HSD17B12: variants seen among roughly 807,000 people sequenced by gnomAD.
HSD17B12 encodes the protein hydroxysteroid 17-beta dehydrogenase 12.
Under a neutral mutation model 39.3 loss-of-function variants are expected in HSD17B12, and 32 were observed. The observed-to-expected ratio is 0.81, with a 90% confidence interval of 0.61 to 1.09. HSD17B12 has a LOEUF of 1.09. Among genes scored for constraint, HSD17B12 ranks in the 50% least tolerant of loss-of-function variants. HSD17B12 has a pLI of 0.00. For missense variants in HSD17B12, 342 were observed against 382.9 expected (o/e 0.89, Z 0.89); for synonymous variants, 150 against 146.7 (o/e 1.02, Z -0.16).
At chr11:43,564,418 C>T in the HSD17B12 span, among the ~76,000 whole-genome samples, 1 of 152,188 alleles carries the variant, frequency 6.6e-6, no homozygotes, top group African/African-American at 2.4e-5. Context: ...TCAAAATAGC[C>T]ACTTCATTCC....
chr11:43,602,341 A>G, the HSD17B12 span, among the ~76,000 whole-genome samples: 1 of 152,222 alleles, frequency 6.6e-6, no homozygotes, highest in African/African-American at 2.4e-5. Flanking sequence ...AGTGGGAGGT[A>G]ATGTCTTTAA....
intron 4 of HSD17B12, among the ~76,000 whole-genome samples, chr11:43,800,604 C>T (rs1950957417): frequency 6.6e-6 from 1 of 152,128 alleles, no homozygotes; most frequent in Admixed American, 6.5e-5. Context: ...GATAAGCATA[C>T]AGGACACATG....
At chr11:43,690,387 TATATATATATATATATA>T (rs1310026422) in intron 1 of HSD17B12, among the ~76,000 whole-genome samples, 201 of 19,234 alleles carry the variant, frequency 0.01, 17 homozygotes, top group African/African-American at 0.023. Context: ...TATATATATA[TATATATATATATATATA>T]TTTTTTTTTT....
chr11:43,588,417 T>C, the HSD17B12 span, among the ~76,000 whole-genome samples: 4 of 152,118 alleles, frequency 2.6e-5, no homozygotes, highest in South Asian at 2.1e-4. Flanking sequence ...AGCAGCAAGT[T>C]GTTGCTGCTG....
chr11:43,763,454 C>T (rs749058139), intron 3 of HSD17B12, among the ~76,000 whole-genome samples: 107 of 151,774 alleles, frequency 7.0e-4, no homozygotes, highest in African/African-American at 1.9e-3. Flanking sequence ...GATACTGAGG[C>T]GCATAGTAAT....
rs752523500 is a variant in HSD17B12 at position 43,750,880 on chromosome 11, G to C, written c.161-31G>C. ...GACCAATTCCTCAATGTAATTCTTA[G>C]ACTAAACTATTGCTTTTTTCCCTTT... On this transcript the variant is annotated intron_variant, in intron 1 of 10. Coordinates refer to ENST00000278353, the MANE Select transcript of HSD17B12 (RefSeq NM_016142.3). 7 of 1,551,682 alleles carry C rather than the reference G, an allele frequency of 4.5e-6. No individual in the cohort carries two copies. The Admixed American group carries it at 1.2e-4, about 27-fold the overall frequency.
chr11:43,583,660 G>C, the HSD17B12 span, among the ~76,000 whole-genome samples: 15 of 150,608 alleles, frequency 1.0e-4, no homozygotes, highest in African/African-American at 3.4e-4. Context: ...TTTTGCTTTT[G>C]CTAAGGAAGG....
chr11:43,581,483 G>A, the HSD17B12 span: 1 of 502,736 alleles, frequency 2.0e-6, no homozygotes, highest in Non-Finnish European at 4.2e-6. The surrounding 1 kb of genome is among the most constrained non-coding windows in gnomAD (Gnocchi z 4.9). Flanking sequence ...TGCGGAGGGC[G>A]CACTCGTCGA....
intron 4 of HSD17B12, among the ~76,000 whole-genome samples, chr11:43,808,423 A>G (rs1340496721): frequency 6.6e-6 from 1 of 152,114 alleles, no homozygotes; most frequent in Non-Finnish European, 1.5e-5. Flanking sequence ...TCTAGAATTC[A>G]TATTTATTTC....
At chr11:43,560,641 T>C in the HSD17B12 span, among the ~76,000 whole-genome samples, 1 of 152,186 alleles carries the variant, frequency 6.6e-6, no homozygotes, top group Non-Finnish European at 1.5e-5. Context: ...ACTGCCAACA[T>C]TGTGGGACAG....
At chr11:43,806,762 T>C (rs1230869851) in intron 4 of HSD17B12, among the ~76,000 whole-genome samples, 2 of 152,206 alleles carry the variant, frequency 1.3e-5, no homozygotes, top group African/African-American at 4.8e-5. Context: ...AAATAAGAGC[T>C]GGGTTAGATC....
At chr11:43,628,136 A>G in the HSD17B12 span, among the ~76,000 whole-genome samples, 2 of 151,832 alleles carry the variant, frequency 1.3e-5, no homozygotes, top group Non-Finnish European at 1.5e-5. Context: ...CTTACCCCCA[A>G]TAAAAATGAT....
chr11:43,748,624 A>G (rs1950437551), intron 1 of HSD17B12, among the ~76,000 whole-genome samples: 1 of 152,212 alleles, frequency 6.6e-6, no homozygotes, highest in Admixed American at 6.5e-5. Context: ...GAAATTAAAA[A>G]AACAAAAACA....
In HSD17B12 at chr11:43,768,652, T is replaced by C. The variant is rs11037613; in HGVS notation, c.283+14531T>C. ...TCAAGATTGAAGCCACAGACCTCAC[T>C]GCGAGTGTTACAGCTCTTAAAGGTG... On this transcript the variant is annotated intron_variant, in intron 3 of 10. Transcript: ENST00000278353. Among the ~76,000 whole-genome samples the C allele has an allele frequency of 2.7e-3, 406 of 152,352 alleles. 7 individuals carry two copies. In the East Asian group the frequency reaches 0.039, roughly 15 times the overall value.
At chr11:43,766,105 G>A (rs866839523) in intron 3 of HSD17B12, among the ~76,000 whole-genome samples, 24 of 152,320 alleles carry the variant, frequency 1.6e-4, no homozygotes, top group African/African-American at 4.8e-4. Context: ...GATTACAGGC[G>A]TGAGCCACCG....
chr11:43,671,771 T>C, the HSD17B12 span, among the ~76,000 whole-genome samples: 3 of 152,226 alleles, frequency 2.0e-5, no homozygotes, highest in Non-Finnish European at 2.9e-5. Context: ...TACTTAGAAA[T>C]GTCAGTGAAA....
At chr11:43,592,873 T>C in the HSD17B12 span, among the ~76,000 whole-genome samples, 2 of 152,070 alleles carry the variant, frequency 1.3e-5, no homozygotes, top group Non-Finnish European at 2.9e-5. Context: ...TCTCACACAC[T>C]CTTAGAGGCT....
intron 3 of HSD17B12, among the ~76,000 whole-genome samples, chr11:43,794,201 C>A (rs1163548382): frequency 3.9e-5 from 6 of 152,148 alleles, no homozygotes; most frequent in African/African-American, 1.4e-4. Flanking sequence ...CTAGCTCATA[C>A]AATTTCAGAT....
At chr11:43,791,031 G>A (rs1163848298) in intron 3 of HSD17B12, among the ~76,000 whole-genome samples, 1 of 152,066 alleles carries the variant, frequency 6.6e-6, no homozygotes, top group Non-Finnish European at 1.5e-5. Flanking sequence ...AAACTGTGTA[G>A]GGTGGGTATT....
Sources: gnomAD v4.1 joint callset for allele counts (sites outside exome capture counted in the v4.1 genomes callset) on GRCh38, gnomAD v4.1.1 for gene constraint, Gnocchi (gnomAD v3.1) non-coding constraint, MANE v1.5 for transcripts, NCBI Gene and HGNC (gene_info 2026-07-23, HGNC 2026-07-21) for gene names.